Variants in NDFIP1 observed in about 807,000 individuals in gnomAD.
NDFIP1 encodes NEDD4 family-interacting protein 1.
NDFIP1 carries 7 observed loss-of-function variants against 28.8 expected under a neutral mutation model. That is an observed-to-expected ratio of 0.24 (90% CI 0.14 to 0.46). NDFIP1 has a LOEUF of 0.46. Ranked by LOEUF, NDFIP1 falls within the 20% of genes least tolerant of loss-of-function variation. The pLI, the probability that NDFIP1 is intolerant of heterozygous loss-of-function variation, is 0.99. For missense variants in NDFIP1, 194 were observed against 269.1 expected, an observed-to-expected ratio of 0.72 and a Z score of 1.95; for synonymous variants, 92 against 101.0, an observed-to-expected ratio of 0.91 and a Z score of 0.53.
chr5:142,135,475 G>T (rs1317454735), intron 3 of NDFIP1, among the ~76,000 whole-genome samples: 1 of 152,072 alleles, frequency 6.6e-6, no homozygotes, highest in African/African-American at 2.4e-5. Flanking sequence ...AATTTTTGAA[G>T]TGTATTGTTA....
chr5:142,133,745 A>G (rs889895563), intron 3 of NDFIP1, among the ~76,000 whole-genome samples: 2 of 152,212 alleles, frequency 1.3e-5, no homozygotes, highest in Non-Finnish European at 2.9e-5. Context: ...TAAATATAAG[A>G]TGCAGTATAT....
rs934568429 is a variant in NDFIP1 at position 142,108,822 on chromosome 5, C to T, written c.-153C>T. 7.0e-6 allele frequency: 4 copies of T among 567,546 alleles called. No individual in the cohort carries two copies. The Middle Eastern group carries it at 2.1e-3, about 303-fold the overall frequency. 35.2% of individuals were successfully genotyped at this position (567,546 alleles called of 1,614,324 possible). The stretch of plus-strand genomic sequence containing the variant: ...TCGGCGGCGGCGGCGGTGCTTACAG[C>T]CTGAGAAGAGCGTCTCGCCCGGGAG... On this transcript the variant is annotated 5_prime_UTR_variant, in exon 1 of 8. Coordinates refer to ENST00000253814, the MANE Select transcript of NDFIP1 (RefSeq NM_030571.4).
At chr5:142,141,503 T>A (rs1008181314) in intron 6 of NDFIP1, among the ~76,000 whole-genome samples, 2 of 152,122 alleles carry the variant, frequency 1.3e-5, no homozygotes, top group Admixed American at 1.3e-4. Flanking sequence ...TCTAAATATT[T>A]ATTTTTAAAT....
chr5:142,125,965 G>T (rs185691728), intron 1 of NDFIP1, among the ~76,000 whole-genome samples: 1 of 152,146 alleles, frequency 6.6e-6, no homozygotes, highest in African/African-American at 2.4e-5. Flanking sequence ...CCTTTTTATT[G>T]TTTAGTCTCT....
At chr5:142,131,433 C>T (rs1757226023) in intron 1 of NDFIP1, among the ~76,000 whole-genome samples, 1 of 152,176 alleles carries the variant, frequency 6.6e-6, no homozygotes, top group Non-Finnish European at 1.5e-5. Flanking sequence ...TGCCACCATG[C>T]CTGGCTAATT....
intron 1 of NDFIP1, among the ~76,000 whole-genome samples, chr5:142,115,923 A>G (rs1010591012): frequency 2.0e-5 from 3 of 152,192 alleles, no homozygotes; most frequent in Admixed American, 2.0e-4. Context: ...TATAACAGCT[A>G]TTTTACATAG....
intron 7 of NDFIP1, among the ~76,000 whole-genome samples, chr5:142,150,047 G>T (rs903312254): frequency 2.0e-5 from 3 of 152,044 alleles, no homozygotes; most frequent in Non-Finnish European, 4.4e-5. Context: ...TGGGTGTGGT[G>T]GCGGGCGCCT....
chr5:142,109,329 C>T (rs1342035929), intron 1 of NDFIP1, among the ~76,000 whole-genome samples: 1 of 152,242 alleles, frequency 6.6e-6, no homozygotes, highest in African/African-American at 2.4e-5. Context: ...CCGCGACCCA[C>T]AGGCGGCATC....
chr5:142,130,565 A>G (rs1399467015), intron 1 of NDFIP1, among the ~76,000 whole-genome samples: 2 of 152,062 alleles, frequency 1.3e-5, no homozygotes, highest in Non-Finnish European at 2.9e-5. Context: ...GTTTTAAACC[A>G]GTCTGGGCAA....
intron 1 of NDFIP1, among the ~76,000 whole-genome samples, chr5:142,130,167 C>G (rs1480936085): frequency 6.6e-6 from 1 of 152,096 alleles, no homozygotes; most frequent in Non-Finnish European, 1.5e-5. Context: ...CAGATTGGCT[C>G]CTAGTCCCAG....
At chr5:142,151,201 G>A (rs1314741298) in intron 7 of NDFIP1, among the ~76,000 whole-genome samples, 2 of 152,202 alleles carry the variant, frequency 1.3e-5, no homozygotes, top group East Asian at 3.8e-4. Context: ...TTTTTTAAAA[G>A]TATTTGTGGT....
At chr5:142,125,403 T>C (rs1018431851) in intron 1 of NDFIP1, among the ~76,000 whole-genome samples, 5 of 152,196 alleles carry the variant, frequency 3.3e-5, no homozygotes, top group Admixed American at 2.0e-4. Context: ...TCTCACTCTG[T>C]TGCTCAGACT....
At chr5:142,119,016 G>T (rs1757096841) in intron 1 of NDFIP1, among the ~76,000 whole-genome samples, 1 of 152,102 alleles carries the variant, frequency 6.6e-6, no homozygotes, top group Admixed American at 6.6e-5. Flanking sequence ...TGCTACTAGG[G>T]TGTCATTGCT....
chr5:142,142,938 A>ATATATATATATAT (rs1418610556), intron 6 of NDFIP1: 4 of 81,314 alleles, frequency 4.9e-5, no homozygotes, highest in African/African-American at 1.2e-4. Context: ...AAAAAAAAAA[A>ATATATATATATAT]AAATATATAT....
At chr5:142,133,149 C>T (rs974076396) in intron 3 of NDFIP1, among the ~76,000 whole-genome samples, 20 of 152,198 alleles carry the variant, frequency 1.3e-4, no homozygotes, top group South Asian at 6.2e-4. Context: ...AGATAGTAGA[C>T]AGTTTGCAGA....
chr5:142,111,842 G>A lies in NDFIP1; in HGVS notation c.63+2805G>A, dbSNP rs183104832. Among the ~76,000 whole-genome samples the A allele has an allele frequency of 4.5e-3, 668 of 149,764 alleles. 7 individuals carry two copies. The highest frequency in any genetic ancestry group is 0.016 in the African/African-American group (647 of 40,596). ...AGCACTTTGGGAGGCCGAGGTGGGC[G>A]GATCACTTGAGGTCAGGAGTTCGAG... On this transcript the variant is annotated intron_variant, in intron 1 of 7. Coordinates refer to ENST00000253814, the MANE Select transcript of NDFIP1 (RefSeq NM_030571.4).
In NDFIP1 at chr5:142,109,024, G is replaced by T; in HGVS notation, c.50G>T (p.Ser17Ile). Residue 17 changes from serine (S) to isoleucine (I), a missense_variant, in exon 1 of 8, where the codon AGC becomes ATC. Physicochemically the swap from Ser to Ile is moderately radical, Grantham distance 142. Coordinates refer to ENST00000253814, the MANE Select transcript of NDFIP1 (RefSeq NM_030571.4). ...ALAAVEPACGSRYQQLQNEEE... is the reference protein window; with the variant it reads ...ALAAVEPACGIRYQQLQNEEE... ...GCGGCGGTCGAGCCGGCCTGCGGCAGCCGGTACCAGCAGGTAAGCGGCGCC... is the reference window on the plus strand; with the variant it reads ...GCGGCGGTCGAGCCGGCCTGCGGCATCCGGTACCAGCAGGTAAGCGGCGCC... 7.0e-7 allele frequency: 1 copy of T among 1,434,922 alleles called. No individual in the cohort carries two copies. The highest frequency in any genetic ancestry group is 1.4e-5 in the South Asian group (1 of 73,068). 88.9% of individuals were successfully genotyped at this position (1,434,922 alleles called of 1,614,324 possible).
At chr5:142,113,990 T>C (rs1468326230) in intron 1 of NDFIP1, among the ~76,000 whole-genome samples, 1 of 152,260 alleles carries the variant, frequency 6.6e-6, no homozygotes, top group African/African-American at 2.4e-5. Flanking sequence ...CTTTTGGTCA[T>C]TGTGAGTAAT....
chr5:142,117,086 T>A (rs748621268), intron 1 of NDFIP1, among the ~76,000 whole-genome samples: 1 of 152,160 alleles, frequency 6.6e-6, no homozygotes, highest in Non-Finnish European at 1.5e-5. Context: ...TGTTTTTGTC[T>A]TTTAAATTAG....
Sources: gnomAD v4.1 joint callset for allele counts (sites outside exome capture counted in the v4.1 genomes callset) on GRCh38, gnomAD v4.1.1 for gene constraint, MANE v1.5 for transcripts, NCBI Gene and HGNC (gene_info 2026-07-23, HGNC 2026-07-21) for gene names.